The following RBFOX1 variants were observed in gnomAD, a reference collection of about 807,000 sequenced individuals.
RBFOX1 encodes RNA binding fox-1 homolog 1, also known as RNA binding protein fox-1 homolog 1.
In RBFOX1, 8 loss-of-function variants were observed where a neutral mutation model predicts 57.7. That is an observed-to-expected ratio of 0.14 (90% CI 0.08 to 0.25). The LOEUF (loss-of-function observed/expected upper bound fraction) is 0.25. RBFOX1 is among the 10% of genes least tolerant of loss of function. The pLI is 1.00. For missense variants in RBFOX1, 611 were observed against 548.5 expected, an observed-to-expected ratio of 1.11 and a Z score of -1.14; for synonymous variants, 326 against 222.4, an observed-to-expected ratio of 1.47 and a Z score of -4.15.
At position 6,498,217 on chromosome 16, in the gene RBFOX1, G is replaced by A. The variant is rs114441572; in HGVS notation, c.-63-156386G>A. On this transcript the variant is annotated intron_variant, in intron 2 of 15. Coordinates refer to ENST00000550418, the MANE Select transcript of RBFOX1 (RefSeq NM_018723.4). ...CAGTGAGCCAAGATTGTGCCACTGCGCTCAAGCCTGGGTGACAGAGAGGAA... is the reference window on the plus strand; with the variant it reads ...CAGTGAGCCAAGATTGTGCCACTGCACTCAAGCCTGGGTGACAGAGAGGAA... Among the ~76,000 whole-genome samples, 866 of 145,930 alleles carry A rather than the reference G, an allele frequency of 5.9e-3. 7 individuals carry two copies. The highest frequency in any genetic ancestry group is 0.028 in the East Asian group (131 of 4,730).
At chr16:5,786,537 C>T (rs563628164) in intron 3 of RBFOX1, among the ~76,000 whole-genome samples, 1 of 152,296 alleles carries the variant, frequency 6.6e-6, no homozygotes, top group Admixed American at 6.5e-5. Flanking sequence ...GAGGGTTCTG[C>T]ACTACCCCAG....
chr16:5,751,783 C>T (rs763685047), intron 3 of RBFOX1, among the ~76,000 whole-genome samples: 1 of 152,186 alleles, frequency 6.6e-6, no homozygotes, highest in African/African-American at 2.4e-5. Flanking sequence ...CAAACCTCAA[C>T]TATATTAAAC....
At chr16:6,874,296 G>C (rs2061442421) in intron 3 of RBFOX1, among the ~76,000 whole-genome samples, 1 of 151,896 alleles carries the variant, frequency 6.6e-6, no homozygotes, top group Non-Finnish European at 1.5e-5. Flanking sequence ...GATAATCTGA[G>C]GTCAGGAGTT....
intron 1 of RBFOX1, among the ~76,000 whole-genome samples, chr16:5,402,577 T>G (rs1325313964): frequency 1.3e-5 from 2 of 152,222 alleles, no homozygotes; most frequent in East Asian, 3.9e-4. Context: ...TCTAAAAACT[T>G]TTCAGTTGAT....
chr16:6,906,396 A>T (rs774569535), intron 3 of RBFOX1, among the ~76,000 whole-genome samples: 4 of 152,182 alleles, frequency 2.6e-5, no homozygotes, highest in Non-Finnish European at 5.9e-5. Context: ...AAAATACAGG[A>T]TAAACAATGC....
intron 4 of RBFOX1, among the ~76,000 whole-genome samples, chr16:7,264,134 A>G (rs1417992852): frequency 5.9e-5 from 9 of 152,264 alleles, no homozygotes; most frequent in Non-Finnish European, 1.0e-4. Flanking sequence ...GTAGCAAAGG[A>G]AAGGAAGCTT....
chr16:7,618,430 A>G (rs1458262717), intron 10 of RBFOX1, among the ~76,000 whole-genome samples: 1 of 152,160 alleles, frequency 6.6e-6, no homozygotes, highest in Non-Finnish European at 1.5e-5. Context: ...TTAATTACTA[A>G]TCTAGTGCCT....
Position 7,341,950 on chromosome 16 carries a change from G to C in RBFOX1, c.28-176197G>C, listed in dbSNP as rs575399713. 5.3e-5 allele frequency among the ~76,000 whole-genome samples: 8 copies of C among 152,066 alleles called. No homozygotes were observed. In the South Asian group the frequency reaches 1.7e-3, roughly 32 times the overall value. ...ACTGCTGTGGGAGAAGGTGTTGCTT[G>C]GCCATTCCTTCTCTTCTGCTCTTTA... On this transcript the variant is annotated intron_variant, in intron 4 of 15. Transcript: ENST00000550418.
At chr16:6,353,430 A>G (rs1027559428) in intron 2 of RBFOX1, among the ~76,000 whole-genome samples, 1 of 151,560 alleles carries the variant, frequency 6.6e-6, no homozygotes, top group Non-Finnish European at 1.5e-5. Flanking sequence ...TTACTGACAA[A>G]TATAACTTGT....
intron 3 of RBFOX1, among the ~76,000 whole-genome samples, chr16:6,857,046 AC>A (rs1446167092): frequency 6.6e-6 from 1 of 152,110 alleles, no homozygotes; most frequent in East Asian, 1.9e-4. Context: ...ATCGTGTTCA[AC>A]CCCACATCAT....
chr16:6,506,995 G>A (rs1343340440), intron 2 of RBFOX1, among the ~76,000 whole-genome samples: 2 of 152,082 alleles, frequency 1.3e-5, no homozygotes, highest in African/African-American at 4.8e-5. Flanking sequence ...GTCAGGCAGT[G>A]AACTTACTGT....
At chr16:5,686,589 T>C (rs1229369671) in intron 3 of RBFOX1, among the ~76,000 whole-genome samples, 1 of 152,060 alleles carries the variant, frequency 6.6e-6, no homozygotes, top group Admixed American at 6.6e-5. Flanking sequence ...ACTAAGATAT[T>C]TGGTCTGGTG....
chr16:7,529,343 C>T (rs909873707), intron 5 of RBFOX1, among the ~76,000 whole-genome samples: 2 of 152,190 alleles, frequency 1.3e-5, no homozygotes. Flanking sequence ...GAGAGATTAA[C>T]TTATGTTGGA....
chr16:5,545,687 T>C (rs1389260050), intron 2 of RBFOX1, among the ~76,000 whole-genome samples: 1 of 152,136 alleles, frequency 6.6e-6, no homozygotes, highest in Admixed American at 6.5e-5. Flanking sequence ...CAAGTAGGAA[T>C]GTAAGGAAAT....
chr16:5,729,545 G>A (rs931416794), intron 3 of RBFOX1, among the ~76,000 whole-genome samples: 5 of 151,912 alleles, frequency 3.3e-5, no homozygotes, highest in Non-Finnish European at 7.4e-5. Flanking sequence ...ACTAAGACCT[G>A]CTATATTTTA....
intron 2 of RBFOX1, among the ~76,000 whole-genome samples, chr16:6,419,815 AGCTGT>A (rs1374983007): frequency 1.3e-5 from 2 of 152,152 alleles, no homozygotes; most frequent in Non-Finnish European, 2.9e-5. Context: ...TATGAAGACA[AGCTGT>A]GCGGGGTATA....
At position 7,177,902 on chromosome 16, in the gene RBFOX1, C is replaced by G. The variant is rs770673162; in HGVS notation, c.27+125804C>G. Among the ~76,000 whole-genome samples the G allele has an allele frequency of 6.6e-5, 10 of 152,306 alleles. No individual in the cohort carries two copies. The South Asian group carries it at 8.3e-4, about 13-fold the overall frequency. On this transcript the variant is annotated intron_variant, in intron 4 of 15. Coordinates refer to ENST00000550418, the MANE Select transcript of RBFOX1 (RefSeq NM_018723.4). The stretch of plus-strand genomic sequence containing the variant: ...CCTGTGGGTTGTGGTTTACCAGCTT[C>G]TGTTCTAGTGTAGTTTTTCCTTTTG...
intron 1 of RBFOX1, among the ~76,000 whole-genome samples, chr16:5,302,198 C>A (rs1313843640): frequency 6.6e-6 from 1 of 152,134 alleles, no homozygotes; most frequent in Non-Finnish European, 1.5e-5. Context: ...AGTCTTTGGG[C>A]ATTTAGAAGT....
At chr16:7,612,612 A>AT (rs1052480545) in intron 10 of RBFOX1, among the ~76,000 whole-genome samples, 64 of 151,356 alleles carry the variant, frequency 4.2e-4, no homozygotes, top group African/African-American at 1.2e-3. Context: ...CTAATAAAAA[A>AT]ATATATATAT....
Sources: allele counts gnomAD v4.1 joint callset (sites outside exome capture counted in the v4.1 genomes callset), GRCh38; gene constraint gnomAD v4.1.1; transcripts MANE v1.5; gene names NCBI Gene and HGNC (gene_info 2026-07-23, HGNC 2026-07-21).